CEP290: variants seen among roughly 807,000 people sequenced by gnomAD.
CEP290 encodes the protein centrosomal protein 290.
In CEP290, 317 loss-of-function variants were observed where a neutral mutation model predicts 344.9. The observed-to-expected ratio is 0.92, with a 90% confidence interval of 0.84 to 1.01. CEP290 has a LOEUF of 1.01. Ranked by LOEUF, CEP290 falls within the 50% of genes least tolerant of loss-of-function variation. The probability of loss-of-function intolerance (pLI) is 0.00; values close to 1 mark genes in which losing one functional copy is unlikely to be tolerated. For synonymous variants in CEP290, 932 were observed against 895.8 expected (o/e 1.04, Z -0.72); for missense variants, 2,754 against 2,761.4 (o/e 1.00, Z 0.06).
chr12:88,140,893 AG>A, intron 3 of CEP290, 62 bp downstream of exon 3: 1 of 1,085,142 alleles, frequency 9.2e-7, no homozygotes, highest in Non-Finnish European at 1.3e-6. Flanking sequence ...ACCTTATATA[AG>A]AACAGATTTT....
intron 31 of CEP290, among the ~76,000 whole-genome samples, 154 bp from the exon 32 acceptor site, chr12:88,088,098 A>G (rs1302508911): frequency 6.6e-6 from 1 of 152,206 alleles, no homozygotes; most frequent in African/African-American, 2.4e-5. Context: ...ACAAAATCTT[A>G]TTTAGGATTT....
At position 88,060,077 on chromosome 12, in the gene CEP290, G is replaced by T. The variant is rs1265466392; in HGVS notation, c.6523-57C>A. On this transcript the variant is annotated intron_variant, in intron 47 of 53. Coordinates refer to ENST00000552810, the MANE Select transcript of CEP290 (RefSeq NM_025114.4). ...ACATTATCAAAACAAGGAAATAAAA[G>T]ATAATCTTATAAACTCATAAATCTT... 3 of 1,340,480 alleles carry T rather than the reference G, an allele frequency of 2.2e-6. No homozygotes were observed. In the African/African-American group the frequency reaches 4.5e-5, roughly 20 times the overall value. The allele number at this position is 1,340,480 out of a possible 1,614,324, so 83.0% of individuals were successfully genotyped here.
rs1225949927 is a variant in CEP290 at position 88,090,779 on chromosome 12, T to C, written c.3522A>G (p.Gln1174=). 3.2e-6 allele frequency: 5 copies of C among 1,563,570 alleles called. No individual in the cohort carries two copies. In the East Asian group the frequency reaches 1.2e-4, roughly 36 times the overall value. ...RQVEILNAQQ[Q]SRDKEVESLR... is the part of the protein sequence containing the mutation. Reference sequence around the variant, plus strand: ...GGGACTCTACTTCCTTGTCCCTAGATTGTTGTTGTGCATTCAAAATTTCAA... The same window carrying C: ...GGGACTCTACTTCCTTGTCCCTAGACTGTTGTTGTGCATTCAAAATTTCAA... The change falls in exon 30 of 54, where the codon CAA becomes CAG. Residue 1174 remains glutamine (Q), a synonymous_variant. Transcript: ENST00000552810.
intron 43 of CEP290, among the ~76,000 whole-genome samples, chr12:88,069,539 G>A (rs963576051): frequency 6.6e-6 from 1 of 152,176 alleles, no homozygotes; most frequent in African/African-American, 2.4e-5. Flanking sequence ...GCTGGAACAA[G>A]AGAGTAACTA....
At position 88,102,878 on chromosome 12, in the gene CEP290, T is replaced by A. The variant is rs2037998907; in HGVS notation, c.2951A>T (p.Asn984Ile). 3.7e-6 allele frequency: 6 copies of A among 1,611,002 alleles called. No individual in the cohort carries two copies. The Admixed American group carries it at 8.4e-5, about 22-fold the overall frequency. ...AKYRDILQKD[N>I]MLVQRTSNLE... is the part of the protein sequence containing the mutation. ...GTTACTTGTTCTTTGAACAAGCATATTATCTTTTTGCAAGATGTCCCTGTA... is the reference window on the plus strand; with the variant it reads ...GTTACTTGTTCTTTGAACAAGCATAATATCTTTTTGCAAGATGTCCCTGTA... Residue 984 changes from asparagine to isoleucine, a missense_variant, in exon 26 of 54, where the codon AAT (asparagine) becomes ATT (isoleucine). Coordinates refer to ENST00000552810, the MANE Select transcript of CEP290 (RefSeq NM_025114.4).
chr12:88,129,095 G>A lies in CEP290; in HGVS notation c.853-60C>T, dbSNP rs913788926. On this transcript the variant is annotated intron_variant, in intron 10 of 53. Coordinates refer to ENST00000552810, the MANE Select transcript of CEP290 (RefSeq NM_025114.4). ...ACTGATGTAACATATATTTACACCT[G>A]TGCATATTTACATATACATTATATA... 7.7e-6 allele frequency: 7 copies of A among 904,006 alleles called. No individual in the cohort carries two copies. The African/African-American group carries it at 1.2e-4, about 16-fold the overall frequency. The allele number at this position is 904,006 out of a possible 1,614,324, so 56.0% of individuals were successfully genotyped here.
intron 23 of CEP290, among the ~76,000 whole-genome samples, chr12:88,107,318 T>C (rs2038357617): frequency 6.6e-6 from 1 of 152,146 alleles, no homozygotes; most frequent in South Asian, 2.1e-4. Flanking sequence ...AGTTATCAAA[T>C]TATTTTCATT....
chr12:88,108,493 A>G (rs1394161237), intron 23 of CEP290, among the ~76,000 whole-genome samples: 1 of 152,160 alleles, frequency 6.6e-6, no homozygotes, highest in Non-Finnish European at 1.5e-5. Flanking sequence ...TCAGATAATA[A>G]TTATTCTTAG....
chr12:88,071,520 C>A, intron 42 of CEP290, 71 bp from the exon 43 acceptor site: 1 of 1,277,634 alleles, frequency 7.8e-7, no homozygotes, highest in Non-Finnish European at 1.1e-6. Context: ...TACTCATTAC[C>A]AAACCAAATT....
At position 88,129,819 on chromosome 12, in the gene CEP290, A is replaced by T; in HGVS notation, c.727T>A (p.Leu243Ile). 4 of 1,467,316 alleles carry T rather than the reference A, an allele frequency of 2.7e-6. No homozygotes were observed. The highest frequency in any genetic ancestry group is 3.6e-6 in the Non-Finnish European group (4 of 1,111,238). 90.9% of individuals were successfully genotyped at this position (1,467,316 alleles called of 1,614,324 possible). ...EVQNQEMRKN[L>I]EESVQEMEKM... ...TCCATTTCCTGTACAGACTCTTCTA[A>T]ATTTTTTCTCATTTCTTGATTCTGA... Residue 243 changes from leucine (L) to isoleucine (I), a missense_variant, in exon 10 of 54, where the codon TTA becomes ATA. By Grantham distance (5) the Leu-to-Ile change is conservative (BLOSUM62 2). Transcript: ENST00000552810.
intron 25 of CEP290, chr12:88,103,692 T>G (rs1328998128): frequency 1.3e-5 from 2 of 152,104 alleles, no homozygotes; most frequent in Admixed American, 1.3e-4. Flanking sequence ...TAAAGAATGA[T>G]GAAAGCTGAG....
At position 88,064,122 on chromosome 12, in the gene CEP290, G is replaced by A; in HGVS notation, c.6136-7C>T. Reference sequence around the variant, plus strand: ...CTGACTCTATTCCTGAAATCTTCAGGGAAATGAAATTAGGAATATTTTTAA... The same window carrying A: ...CTGACTCTATTCCTGAAATCTTCAGAGAAATGAAATTAGGAATATTTTTAA... On this transcript the variant is annotated splice_polypyrimidine_tract_variant and splice_region_variant and intron_variant, in intron 44 of 53. Transcript: ENST00000552810. The A allele has an allele frequency of 1.3e-6, 2 of 1,532,966 alleles. No homozygotes were observed. The highest frequency in any genetic ancestry group is 2.4e-5 in the East Asian group (1 of 41,460). The allele number at this position is 1,532,966 out of a possible 1,614,324, so 95.0% of individuals were successfully genotyped here. A position where few individuals can be genotyped will look rare whatever the true frequency, so the allele number is the denominator to read the frequency against.
At chr12:88,124,346 T>A (rs2039598758) in intron 13 of CEP290, among the ~76,000 whole-genome samples, 1 of 152,144 alleles carries the variant, frequency 6.6e-6, no homozygotes, top group South Asian at 2.1e-4. Flanking sequence ...GCCTTTGAAC[T>A]TATTCCCACT....
intron 22 of CEP290, 38 bp downstream of exon 22, chr12:88,111,164 T>G: frequency 8.4e-7 from 1 of 1,186,544 alleles, no homozygotes; most frequent in East Asian, 3.1e-5. Context: ...GTTATTCACA[T>G]GTAAAATTTT....
chr12:88,057,935 G>C (rs191990817), intron 49 of CEP290: 1 of 152,348 alleles, frequency 6.6e-6, no homozygotes, highest in African/African-American at 2.4e-5. Context: ...GGAGGTGCAT[G>C]GACATAAGGA....
chr12:88,132,931 T>C (rs1239995027), intron 6 of CEP290, among the ~76,000 whole-genome samples: 3 of 152,152 alleles, frequency 2.0e-5, no homozygotes, highest in Admixed American at 6.5e-5. Flanking sequence ...CCCCACCATG[T>C]GTCCATGTGT....
At chr12:88,128,804 C>G in intron 11 of CEP290, 142 bp downstream of exon 11, 3 of 498,258 alleles carry the variant, frequency 6.0e-6, no homozygotes, top group Non-Finnish European at 1.0e-5. Context: ...GCTTTTCTAA[C>G]CAATAAATAA....
Position 88,125,368 on chromosome 12 carries a change from C to A in CEP290, c.1067G>T (p.Gly356Val), listed in dbSNP as rs1403887401. 2 of 1,280,092 alleles carry A rather than the reference C, an allele frequency of 1.6e-6. No homozygotes were observed. The highest frequency in any genetic ancestry group is 2.6e-5 in the South Asian group (1 of 39,046). 79.3% of individuals were successfully genotyped at this position (1,280,092 alleles called of 1,614,324 possible). ...AATTTGACTGTCTCGTTCCTGTATA[C>A]CCTATAAAATATTTTAAAACAATAT... Reference protein sequence around the residue: ...DKSNVMALQQGIQERDSQIKM... With the variant: ...DKSNVMALQQVIQERDSQIKM... The change falls in exon 13 of 54, where the codon GGT (glycine) becomes GTT (valine). Residue 356 changes from glycine to valine, a missense_variant and splice_region_variant. By Grantham distance (109) the Gly-to-Val change is moderately radical (BLOSUM62 -3). Coordinates refer to ENST00000552810, the MANE Select transcript of CEP290 (RefSeq NM_025114.4).
Position 88,083,179 on chromosome 12 carries a change from G to A in CEP290, c.4864C>T (p.Arg1622Cys), listed in dbSNP as rs746576984. Reference sequence around the variant, plus strand: ...ACTGTCTGTTCCATCTCAGCCAGACGAATAAAATGCTTGTTGGTAGGAACT... The same window carrying A: ...ACTGTCTGTTCCATCTCAGCCAGACAAATAAAATGCTTGTTGGTAGGAACT... ...TPVPTNKHFI[R>C]LAEMEQTVAE... is the part of the protein sequence containing the mutation. Residue 1622 changes from arginine (R) to cysteine (C), a missense_variant, in exon 37 of 54, where the codon CGT becomes TGT. Transcript: ENST00000552810. The A allele has an allele frequency of 3.3e-6, 5 of 1,532,010 alleles. No individual in the cohort carries two copies. The highest frequency in any genetic ancestry group is 4.4e-6 in the Non-Finnish European group (5 of 1,142,530). The allele number at this position is 1,532,010 out of a possible 1,614,324, so 94.9% of individuals were successfully genotyped here.
Sources: gnomAD v4.1 joint callset for allele counts (sites outside exome capture counted in the v4.1 genomes callset) on GRCh38, gnomAD v4.1.1 for gene constraint, MANE v1.5 for transcripts, NCBI Gene and HGNC (gene_info 2026-07-23, HGNC 2026-07-21) for gene names.